CKAP2L: variants seen among roughly 807,000 people sequenced by gnomAD.
CKAP2L encodes cytoskeleton-associated protein 2-like.
Under a neutral mutation model 65.7 loss-of-function variants are expected in CKAP2L, and 42 were observed. The ratio of observed to expected loss-of-function variants is 0.64; its 90% CI spans 0.50 to 0.83. The LOEUF (loss-of-function observed/expected upper bound fraction) is 0.83. Among genes scored for constraint, CKAP2L ranks in the 40% least tolerant of loss-of-function variants. CKAP2L has a pLI of 0.00. For synonymous variants in CKAP2L, 325 were observed against 313.5 expected, an observed-to-expected ratio of 1.04 and a Z score of -0.39; for missense variants, 908 against 871.0, an observed-to-expected ratio of 1.04 and a Z score of -0.53.
Position 112,738,637 on chromosome 2 carries a change from C to T in CKAP2L, c.*186G>A. 1.7e-6 allele frequency: 1 copy of T among 596,050 alleles called. No homozygotes were observed. Among genetic ancestry groups the T allele is most frequent in the South Asian group, 2.1e-5 (1 of 47,596 alleles). 36.9% of individuals were successfully genotyped at this position (596,050 alleles called of 1,614,324 possible). Reference sequence around the variant, plus strand: ...GTAAAACTGGCAAACTGGTCTTAAACACATAAAGCAAAGATTTTCCCATGG... The same window carrying T: ...GTAAAACTGGCAAACTGGTCTTAAATACATAAAGCAAAGATTTTCCCATGG... On this transcript the variant is annotated 3_prime_UTR_variant, in exon 9 of 9. Transcript: ENST00000302450.
chr2:112,747,482 A>C (rs1680237606), intron 5 of CKAP2L, among the ~76,000 whole-genome samples: 1 of 152,202 alleles, frequency 6.6e-6, no homozygotes, highest in Non-Finnish European at 1.5e-5. Flanking sequence ...AGGCATGCGA[A>C]GGTCATAGGG....
chr2:112,756,136 T>G lies in CKAP2L; in HGVS notation c.1235A>C (p.Gln412Pro), dbSNP rs1172467497. 3 of 1,614,102 alleles carry G rather than the reference T, an allele frequency of 1.9e-6. No homozygotes were observed. The highest frequency in any genetic ancestry group is 1.3e-5 in the African/African-American group (1 of 74,936). The change falls in exon 4 of 9, where the codon CAG becomes CCG. Residue 412 changes from glutamine to proline, a missense_variant. By Grantham distance (76) the Gln-to-Pro change is moderately conservative. Transcript: ENST00000302450. ...SGNKHNNNGF[Q>P]QKAQTLDSKL... ...GGAGTCCAAAGTCTGTGCTTTTTGC[T>G]GAAAGCCATTATTGTTATGTTTATT...
intron 1 of CKAP2L, chr2:112,764,169 C>T: frequency 8.1e-6 from 2 of 247,282 alleles, no homozygotes; most frequent in South Asian, 9.2e-5. Flanking sequence ...CCAGACCCCG[C>T]CTCCTGGCAC....
At chr2:112,746,697 T>A (rs1680212364) in intron 5 of CKAP2L, 122 bp from the exon 6 acceptor site, 1 of 638,766 alleles carries the variant, frequency 1.6e-6, no homozygotes. Context: ...TTTGAACTTT[T>A]AAAAAAATTT....
rs1356170519 is a variant in CKAP2L, at chr2:112,736,643, G to C, written c.*2180C>G. 1 of 152,030 alleles carries C rather than the reference G, an allele frequency of 6.6e-6. No homozygotes were observed. Among genetic ancestry groups the C allele is most frequent in the East Asian group, 1.9e-4 (1 of 5,184 alleles). 9.4% of individuals were successfully genotyped at this position (152,030 alleles called of 1,614,324 possible). A position where few individuals can be genotyped will look rare whatever the true frequency, so the allele number is the denominator to read the frequency against. ...TGGTAAGCACTTTCTCTGTGTACTT[G>C]AGCTCTTTCTTAAAAAATTAAATAT... On this transcript the variant is annotated 3_prime_UTR_variant, in exon 9 of 9. Coordinates refer to ENST00000302450, the MANE Select transcript of CKAP2L (RefSeq NM_152515.5).
At position 112,750,704 on chromosome 2, in the gene CKAP2L, T is replaced by G. The variant is rs144925839; in HGVS notation, c.1602+1563A>C. On this transcript the variant is annotated intron_variant, in intron 5 of 8. Coordinates refer to ENST00000302450, the MANE Select transcript of CKAP2L (RefSeq NM_152515.5). The stretch of plus-strand genomic sequence containing the variant: ...TTTGTTTTTCAGACTTGATCCTGAC[T>G]GATAAAGAGTATTACTTAGTCAAAT... Among the ~76,000 whole-genome samples the G allele has an allele frequency of 3.0e-3, 459 of 152,016 alleles. 2 individuals carry two copies. The highest frequency in any genetic ancestry group is 8.7e-3 in the South Asian group (42 of 4,828).
intron 5 of CKAP2L, among the ~76,000 whole-genome samples, chr2:112,752,001 T>C (rs1189059000): frequency 6.6e-6 from 1 of 152,196 alleles, no homozygotes; most frequent in Admixed American, 6.5e-5. Flanking sequence ...CCAACTTCTT[T>C]GTGCCTCAGT....
At position 112,740,952 on chromosome 2, in the gene CKAP2L, C is replaced by A. The variant is rs142651922; in HGVS notation, c.1878G>T (p.Leu626=). 1.9e-6 allele frequency: 3 copies of A among 1,613,804 alleles called. No individual in the cohort carries two copies. The South Asian group carries it at 3.3e-5, about 18-fold the overall frequency. The change falls in exon 8 of 9, where the codon CTG becomes CTT. Residue 626 remains leucine (L), a synonymous_variant. Transcript: ENST00000302450. ...AETSITSVEE[L]AKKMESVKSC... is the part of the protein sequence containing the mutation. The stretch of plus-strand genomic sequence containing the variant: ...ACTTCACAGATTCCATCTTCTTGGC[C>A]AGCTCTTCCACTGATGTTATACTAG...
At position 112,760,919 on chromosome 2, in the gene CKAP2L, A is replaced by C. The variant is rs573874594; in HGVS notation, c.105-155T>G. Among the ~76,000 whole-genome samples the C allele has an allele frequency of 2.6e-5, 4 of 152,228 alleles. No individual in the cohort carries two copies. In the South Asian group the frequency reaches 8.3e-4, roughly 32 times the overall value. On this transcript the variant is annotated intron_variant, in intron 2 of 8. Transcript: ENST00000302450. The stretch of plus-strand genomic sequence containing the variant: ...AAATTATATTTAATAAAGTCTCCTT[A>C]TCATCATTTCTTTAGTTCTGTATCC...
chr2:112,760,825 A>C (rs971313099), intron 2 of CKAP2L, 61 bp from the exon 3 acceptor site: 3 of 834,824 alleles, frequency 3.6e-6, no homozygotes, highest in Non-Finnish European at 5.8e-6. Flanking sequence ...AAGCTTGGGA[A>C]GTACAGTGAT....
intron 1 of CKAP2L, 38 bp from the exon 2 acceptor site, chr2:112,762,607 G>T (rs1310928479): frequency 1.3e-6 from 2 of 1,542,868 alleles, no homozygotes; most frequent in Non-Finnish European, 1.8e-6. Flanking sequence ...CATAACTTTA[G>T]TTCAAGATTT....
chr2:112,753,647 C>T (rs1680447825), intron 4 of CKAP2L, among the ~76,000 whole-genome samples: 1 of 150,906 alleles, frequency 6.6e-6, no homozygotes, highest in African/African-American at 2.4e-5. Context: ...TGTGCCTCAG[C>T]CTCCCAAGTA....
rs1172804207 is a variant in CKAP2L at position 112,737,583 on chromosome 2, A to T, written c.*1240T>A. 2.6e-5 allele frequency: 4 copies of T among 152,110 alleles called. No homozygotes were observed. Among genetic ancestry groups the T allele is most frequent in the Non-Finnish European group, 5.9e-5 (4 of 68,014 alleles). 9.4% of individuals were successfully genotyped at this position (152,110 alleles called of 1,614,324 possible). A position where few individuals can be genotyped will look rare whatever the true frequency, so the allele number is the denominator to read the frequency against. On this transcript the variant is annotated 3_prime_UTR_variant, in exon 9 of 9. Coordinates refer to ENST00000302450, the MANE Select transcript of CKAP2L (RefSeq NM_152515.5). The stretch of plus-strand genomic sequence containing the variant: ...CATTTTTAATTATTAGTTTTTCCAC[A>T]ATTGAGTTGTAAGAGTCTCTTATTG...
intron 6 of CKAP2L, 149 bp downstream of exon 6, chr2:112,746,271 T>C: frequency 1.9e-6 from 1 of 524,456 alleles, no homozygotes; most frequent in Non-Finnish European, 3.3e-6. Flanking sequence ...TTGGGTTTAA[T>C]ATATTTTTAA....
chr2:112,764,122 T>G, intron 1 of CKAP2L: 1 of 220,738 alleles, frequency 4.5e-6, no homozygotes, highest in Non-Finnish European at 9.3e-6. Context: ...AGGTGTGGAG[T>G]GAGAGCCCCG....
chr2:112,763,453 G>T (rs181802715), intron 1 of CKAP2L, among the ~76,000 whole-genome samples: 1 of 152,048 alleles, frequency 6.6e-6, no homozygotes, highest in Admixed American at 6.6e-5. Flanking sequence ...GACTTTCTAC[G>T]CAAGCCATTT....
At chr2:112,753,149 A>G (rs2104878232) in intron 4 of CKAP2L, among the ~76,000 whole-genome samples, 1 of 152,240 alleles carries the variant, frequency 6.6e-6, no homozygotes, top group East Asian at 1.9e-4. Context: ...TTAAATTACA[A>G]CTACATATTA....
intron 7 of CKAP2L, among the ~76,000 whole-genome samples, chr2:112,741,927 A>AT (rs1401048403): frequency 7.2e-6 from 1 of 137,952 alleles, no homozygotes; most frequent in Non-Finnish European, 1.6e-5. Flanking sequence ...CAACTGGCTA[A>AT]TTTTTCTTTT....
At position 112,742,909 on chromosome 2, in the gene CKAP2L, C is replaced by T. The variant is rs1365906793; in HGVS notation, c.1759-140G>A. On this transcript the variant is annotated intron_variant, in intron 6 of 8. Coordinates refer to ENST00000302450, the MANE Select transcript of CKAP2L (RefSeq NM_152515.5). The stretch of plus-strand genomic sequence containing the variant: ...GTCTAACTATAAATCTTTTGTCTAG[C>T]TTGACAGTTTTATAGCTTCATGAGA... The T allele has an allele frequency of 1.2e-5, 7 of 604,238 alleles. No individual in the cohort carries two copies. In the African/African-American group the frequency reaches 1.3e-4, roughly 11 times the overall value. 37.4% of individuals were successfully genotyped at this position (604,238 alleles called of 1,614,324 possible).
Sources: allele counts gnomAD v4.1 joint callset (sites outside exome capture counted in the v4.1 genomes callset), GRCh38; gene constraint gnomAD v4.1.1; transcripts MANE v1.5; gene names NCBI Gene and HGNC (gene_info 2026-07-23, HGNC 2026-07-21).